C4orf33: variants seen among roughly 807,000 people sequenced by gnomAD.
C4orf33 encodes the protein UPF0462 protein C4orf33.
A neutral mutation model predicts 24.3 loss-of-function variants in C4orf33; 20 were observed. The ratio of observed to expected loss-of-function variants is 0.82; its 90% CI spans 0.58 to 1.19. C4orf33 has a LOEUF of 1.19. Ranked by LOEUF, C4orf33 falls within the 50% of genes most tolerant of loss-of-function variation. The pLI is 0.00. For missense variants in C4orf33, 207 were observed against 225.9 expected (o/e 0.92, Z 0.54); for synonymous variants, 67 against 76.4 (o/e 0.88, Z 0.64).
rs1753742488 is a variant in C4orf33, at chr4:129,114,277, AAG to A, written c.*2489_*2490del. 1 of 152,184 alleles carries A rather than the reference AAG, an allele frequency of 6.6e-6. No homozygotes were observed. Among genetic ancestry groups the A allele is most frequent in the Admixed American group, 6.5e-5 (1 of 15,272 alleles). The allele number at this position is 152,184 out of a possible 1,614,324, so 9.4% of individuals were successfully genotyped here. A position where few individuals can be genotyped will look rare whatever the true frequency, so the allele number is the denominator to read the frequency against. ...CACCCCATGGGGCACCTCTTGACCA[AAG>A]AGGGTGGGAGTTGATGGATAACTAC... On this transcript the variant is annotated 3_prime_UTR_variant, in exon 6 of 6. Coordinates refer to ENST00000425929, the MANE Select transcript of C4orf33 (RefSeq NM_001099783.2).
chr4:129,109,380 G>A (rs1248678219), intron 4 of C4orf33, 22 bp downstream of exon 4: 2 of 1,609,960 alleles, frequency 1.2e-6, no homozygotes, highest in Admixed American at 3.3e-5. Flanking sequence ...AAAATAGGAG[G>A]CAAAATCATT....
rs1753199659 is a variant in C4orf33, at chr4:129,096,189, G to A, written c.-30G>A. ...GACCTCGGCTGAAAAGAAGAAGCCAGTGTTTGAGAAAAGCTTCGTGGTCTG... is the reference window on the plus strand; with the variant it reads ...GACCTCGGCTGAAAAGAAGAAGCCAATGTTTGAGAAAAGCTTCGTGGTCTG... On this transcript the variant is annotated 5_prime_UTR_variant, in exon 1 of 6. It adds an upstream start codon to the 5' untranslated region. Coordinates refer to ENST00000425929, the MANE Select transcript of C4orf33 (RefSeq NM_001099783.2). The A allele has an allele frequency of 6.6e-6, 1 of 152,246 alleles. No homozygotes were observed. Among genetic ancestry groups the A allele is most frequent in the African/African-American group, 2.4e-5 (1 of 41,452 alleles). The allele number at this position is 152,246 out of a possible 1,614,324, so 9.4% of individuals were successfully genotyped here.
At chr4:129,099,878 T>G (rs953378977) in intron 1 of C4orf33, among the ~76,000 whole-genome samples, 4 of 152,170 alleles carry the variant, frequency 2.6e-5, no homozygotes, top group African/African-American at 9.7e-5. Context: ...TTTATAAATA[T>G]TATGCATTCT....
intron 1 of C4orf33, among the ~76,000 whole-genome samples, chr4:129,098,333 C>A (rs979657288): frequency 4.6e-5 from 7 of 152,160 alleles, no homozygotes; most frequent in African/African-American, 1.7e-4. Context: ...TCCCTCCCCC[C>A]TCTAGTAGTC....
In C4orf33 at chr4:129,102,691, CAG is replaced by C; in HGVS notation, c.84_85del (p.Gly29SerfsTer6). 1 of 1,614,108 alleles carries C rather than the reference CAG, an allele frequency of 6.2e-7. No individual in the cohort carries two copies. Among genetic ancestry groups the C allele is most frequent in the Non-Finnish European group, 8.5e-7 (1 of 1,179,972 alleles). On this transcript the variant is annotated frameshift_variant, in exon 2 of 6. Coordinates refer to ENST00000425929, the MANE Select transcript of C4orf33 (RefSeq NM_001099783.2). LOFTEE classifies it high-confidence loss of function. Reference protein sequence around the residue: ...PVFIRLNPGDRGVMMDISAPF... With the variant: ...PVFIRLNPGDXGVMMDISAPF... ...TATTTATCAGGCTGAATCCAGGTGA[CAG>C]AGGAGTGATGATGGACATTAGTGCT...
At position 129,111,751 on chromosome 4, in the gene C4orf33, C is replaced by G. The variant is rs370206168; in HGVS notation, c.560C>G (p.Pro187Arg). ...NTLLGEEWKQ[P>R]ESDLWLIEKC... The stretch of plus-strand genomic sequence containing the variant: ...CTGCTTGGAGAAGAGTGGAAACAAC[C>G]GGAATCAGACCTGTGGCTAATAGAG... Residue 187 changes from proline to arginine, a missense_variant, in exon 6 of 6, where the codon CCG becomes CGG. Transcript: ENST00000425929. 3.1e-5 allele frequency: 50 copies of G among 1,611,956 alleles called. No individual in the cohort carries two copies. The South Asian group carries it at 5.0e-4, about 16-fold the overall frequency.
At position 129,111,771 on chromosome 4, in the gene C4orf33, A is replaced by G. The variant is rs1174784017; in HGVS notation, c.580A>G (p.Ile194Val). The G allele has an allele frequency of 6.2e-7, 1 of 1,607,862 alleles. No homozygotes were observed. Among genetic ancestry groups the G allele is most frequent in the African/African-American group, 1.3e-5 (1 of 74,780 alleles). Residue 194 changes from isoleucine to valine, a missense_variant, in exon 6 of 6, where the codon ATA (isoleucine) becomes GTA (valine). Transcript: ENST00000425929. ...WKQPESDLWL[I>V]EKCDI ...ACAACCGGAATCAGACCTGTGGCTA[A>G]TAGAGAAATGTGATATATAGGAGTA...
chr4:129,097,038 A>T (rs1007953724), intron 1 of C4orf33, among the ~76,000 whole-genome samples: 1 of 152,170 alleles, frequency 6.6e-6, no homozygotes, highest in Non-Finnish European at 1.5e-5. Flanking sequence ...CCTCCCGAGT[A>T]GCTGGAACTA....
intron 3 of C4orf33, among the ~76,000 whole-genome samples, chr4:129,108,990 G>A (rs1204489043): frequency 6.6e-6 from 1 of 152,076 alleles, no homozygotes; most frequent in African/African-American, 2.4e-5. Context: ...GGGTTCAAGC[G>A]ATTCCCCTGC....
chr4:129,095,725 G>A (rs1240706694), upstream of C4orf33, among the ~76,000 whole-genome samples: 1 of 152,208 alleles, frequency 6.6e-6, no homozygotes, highest in Non-Finnish European at 1.5e-5. Flanking sequence ...CAGCTGGCAA[G>A]TGCCTGAGTT....
At chr4:129,110,875 G>A (rs1753677494) in intron 5 of C4orf33, among the ~76,000 whole-genome samples, 1 of 151,310 alleles carries the variant, frequency 6.6e-6, no homozygotes. Flanking sequence ...CTTACTCTGG[G>A]ATTGACAATT....
intron 5 of C4orf33, among the ~76,000 whole-genome samples, chr4:129,111,386 A>G (rs1753688088): frequency 6.6e-6 from 1 of 152,194 alleles, no homozygotes; most frequent in Non-Finnish European, 1.5e-5. Flanking sequence ...GCATAATATG[A>G]TTTGTTTAAA....
chr4:129,110,074 T>G, intron 5 of C4orf33: 2 of 878,334 alleles, frequency 2.3e-6, no homozygotes, highest in Middle Eastern at 5.7e-4. Context: ...CAGTTATCTC[T>G]CTAGTTCTCC....
intron 2 of C4orf33, among the ~76,000 whole-genome samples, chr4:129,103,972 G>A (rs1263545132): frequency 3.3e-5 from 5 of 152,126 alleles, no homozygotes; most frequent in Non-Finnish European, 5.9e-5. Flanking sequence ...CGGGTATATA[G>A]CATCTTCCTA....
At chr4:129,102,917 A>AC (rs1214554048) in intron 2 of C4orf33, 126 bp downstream of exon 2, 1 of 711,566 alleles carries the variant, frequency 1.4e-6, no homozygotes, top group Non-Finnish European at 2.2e-6. Context: ...ACAGTTTCTG[A>AC]TATTTCCTAC....
In C4orf33 at chr4:129,109,399, A is replaced by G. The variant is rs375827246; in HGVS notation, c.294+41A>G. 1.9e-6 allele frequency: 3 copies of G among 1,588,924 alleles called. No homozygotes were observed. The African/African-American group carries it at 4.0e-5, about 21-fold the overall frequency. On this transcript the variant is annotated intron_variant, in intron 4 of 5. Coordinates refer to ENST00000425929, the MANE Select transcript of C4orf33 (RefSeq NM_001099783.2). ...TAGGAGGCAAAATCATTACGTACAC[A>G]GTAATACACATATTTCTATGTTTAA...
chr4:129,096,928 T>G (rs189260362), intron 1 of C4orf33, among the ~76,000 whole-genome samples: 15 of 152,294 alleles, frequency 9.8e-5, no homozygotes, highest in Admixed American at 3.9e-4. Context: ...TATATTTTTT[T>G]GAGACGGAGT....
At chr4:129,111,624 G>A in intron 5 of C4orf33, 62 bp from the exon 6 acceptor site, 1 of 955,498 alleles carries the variant, frequency 1.0e-6, no homozygotes, top group Non-Finnish European at 1.7e-6. Context: ...AGCCCTTCAG[G>A]ACAACTATTT....
At position 129,112,696 on chromosome 4, in the gene C4orf33, T is replaced by C. The variant is rs971287397; in HGVS notation, c.*905T>C. 15 of 152,120 alleles carry C rather than the reference T, an allele frequency of 9.9e-5. No homozygotes were observed. The highest frequency in any genetic ancestry group is 3.6e-4 in the African/African-American group (15 of 41,534). 9.4% of individuals were successfully genotyped at this position (152,120 alleles called of 1,614,324 possible). On this transcript the variant is annotated 3_prime_UTR_variant, in exon 6 of 6. Coordinates refer to ENST00000425929, the MANE Select transcript of C4orf33 (RefSeq NM_001099783.2). ...GAATTAACTTCAAGTTTACATTGAG[T>C]TTATATGTTTCCATTGAACAATCAC...
Sources: allele counts gnomAD v4.1 joint callset (sites outside exome capture counted in the v4.1 genomes callset), GRCh38; gene constraint gnomAD v4.1.1; transcripts MANE v1.5; gene names NCBI Gene and HGNC (gene_info 2026-07-23, HGNC 2026-07-21).